Variants in VRK2 observed in about 807,000 individuals in gnomAD.
The protein encoded by VRK2 is VRK serine/threonine kinase 2.
In VRK2, 60 loss-of-function variants were observed where a neutral mutation model predicts 57.6. The observed-to-expected ratio is 1.04, with a 90% CI of 0.85 to 1.29. VRK2 has a LOEUF of 1.29. Ranked by LOEUF, VRK2 falls within the 50% of genes most tolerant of loss-of-function variation. The pLI, the probability that VRK2 is intolerant of heterozygous loss-of-function variation, is 0.00. For synonymous variants in VRK2, 231 were observed against 199.2 expected, an observed-to-expected ratio of 1.16 and a Z score of -1.35; for missense variants, 705 against 588.1, an observed-to-expected ratio of 1.20 and a Z score of -2.06.
intron 1 of VRK2, among the ~76,000 whole-genome samples, chr2:57,963,396 G>GT (rs761177334): frequency 3.9e-5 from 6 of 152,172 alleles, no homozygotes; most frequent in Non-Finnish European, 8.8e-5. Context: ...GTATCCTAAT[G>GT]TAAAAACTGC....
intron 1 of VRK2, among the ~76,000 whole-genome samples, chr2:58,015,328 G>A (rs1358624861): frequency 6.6e-6 from 1 of 152,062 alleles, no homozygotes; most frequent in Non-Finnish European, 1.5e-5. Context: ...TTAATATGAT[G>A]CAGTATAATG....
At chr2:57,964,994 C>CAA (rs1671872101) in intron 1 of VRK2, among the ~76,000 whole-genome samples, 4 of 149,874 alleles carry the variant, frequency 2.7e-5, no homozygotes, top group Admixed American at 2.7e-4. Context: ...AAGCATTAAT[C>CAA]ACATAGTAGA....
intron 1 of VRK2, among the ~76,000 whole-genome samples, chr2:57,968,253 G>T (rs1376763686): frequency 6.6e-6 from 1 of 151,836 alleles, no homozygotes; most frequent in Non-Finnish European, 1.5e-5. Context: ...ACGAAAGAAA[G>T]AAAACTACGG....
chr2:58,084,867 T>C lies in VRK2; in HGVS notation c.187-14T>C. ...ATTTTTTTCTAGTAAAATTAATTAT[T>C]CTTTTTTTTATAGGAATATCAAGAA... On this transcript the variant is annotated splice_polypyrimidine_tract_variant and intron_variant, in intron 3 of 12. Coordinates refer to ENST00000340157, the MANE Select transcript of VRK2 (RefSeq NM_006296.7). 1 of 1,470,470 alleles carries C rather than the reference T, an allele frequency of 6.8e-7. No homozygotes were observed. The allele number at this position is 1,470,470 out of a possible 1,614,324, so 91.1% of individuals were successfully genotyped here.
At chr2:58,002,217 A>G (rs999798471) in intron 1 of VRK2, among the ~76,000 whole-genome samples, 4 of 152,214 alleles carry the variant, frequency 2.6e-5, no homozygotes, top group African/African-American at 9.6e-5. Flanking sequence ...GTGGTGGTTC[A>G]CGCCTGTAAT....
At chr2:57,946,722 T>C (rs1226991138) in intron 1 of VRK2, among the ~76,000 whole-genome samples, 4 of 152,126 alleles carry the variant, frequency 2.6e-5, no homozygotes, top group Admixed American at 1.3e-4. Flanking sequence ...TAATTCTAAA[T>C]TATATTCTGA....
intron 2 of VRK2, among the ~76,000 whole-genome samples, chr2:58,075,864 A>ATAGAGTACTTATAGACTTATAGAG (rs760316289): frequency 6.6e-6 from 1 of 151,982 alleles, no homozygotes; most frequent in Non-Finnish European, 1.5e-5. Flanking sequence ...GCTTATAGTA[A>ATAGAGTACTTATAGACTTATAGAG]AACTCTGCCC....
intron 1 of VRK2, among the ~76,000 whole-genome samples, chr2:57,981,609 G>C (rs1672425781): frequency 6.6e-6 from 1 of 152,070 alleles, no homozygotes; most frequent in Non-Finnish European, 1.5e-5. Context: ...AAGTTTTTGT[G>C]GACAATATTC....
chr2:58,096,808 G>A (rs1470474830), intron 7 of VRK2, among the ~76,000 whole-genome samples: 2 of 151,332 alleles, frequency 1.3e-5, no homozygotes, highest in African/African-American at 4.8e-5. Context: ...CCCTCCATAA[G>A]AGTTTAAGGC....
chr2:58,037,126 G>A (rs1401656380), intron 3 of VRK2, among the ~76,000 whole-genome samples: 1 of 151,886 alleles, frequency 6.6e-6, no homozygotes, highest in Admixed American at 6.6e-5. Flanking sequence ...TGCAGAGATA[G>A]GGTCTCATCA....
chr2:57,964,879 C>CAAAAAAAA (rs540446220), intron 1 of VRK2, among the ~76,000 whole-genome samples: 1 of 47,866 alleles, frequency 2.1e-5, no homozygotes, highest in East Asian at 7.4e-4. Flanking sequence ...GAATCCATCT[C>CAAAAAAAA]AAAAAAAAAA....
At chr2:58,060,053 A>C (rs953730534) in intron 2 of VRK2, among the ~76,000 whole-genome samples, 1 of 151,846 alleles carries the variant, frequency 6.6e-6, no homozygotes, top group African/African-American at 2.4e-5. Context: ...GAGAATGGAG[A>C]ATTAGTTATG....
At position 58,132,082 on chromosome 2, in the gene VRK2, A is replaced by G; in HGVS notation, c.797+154A>G. The G allele has an allele frequency of 8.2e-6, 7 of 849,128 alleles. 1 individual carries two copies. In the East Asian group the frequency reaches 2.0e-4, roughly 24 times the overall value. 52.6% of individuals were successfully genotyped at this position (849,128 alleles called of 1,614,324 possible). The stretch of plus-strand genomic sequence containing the variant: ...AAAATATGTTTTAAAAAAACCAAAC[A>G]ACTAACACATAAAATCCATTAAGGT... On this transcript the variant is annotated intron_variant, in intron 9 of 12. Coordinates refer to ENST00000340157, the MANE Select transcript of VRK2 (RefSeq NM_006296.7).
chr2:57,980,590 G>GT (rs1165335666), intron 1 of VRK2, among the ~76,000 whole-genome samples: 1 of 152,134 alleles, frequency 6.6e-6, no homozygotes, highest in African/African-American at 2.4e-5. Flanking sequence ...GAATATCTTT[G>GT]TAAGTTTTCT....
chr2:57,996,543 T>C (rs906589176), intron 1 of VRK2, among the ~76,000 whole-genome samples: 1 of 152,216 alleles, frequency 6.6e-6, no homozygotes, highest in Non-Finnish European at 1.5e-5. Flanking sequence ...TCAACCTTTT[T>C]TAAACTCATG....
At chr2:58,127,673 C>G (rs965453344) in intron 8 of VRK2, among the ~76,000 whole-genome samples, 18 of 152,156 alleles carry the variant, frequency 1.2e-4, no homozygotes, top group Non-Finnish European at 2.2e-4. Flanking sequence ...TTCACTTTGT[C>G]AGGTGAACAT....
chr2:57,930,738 C>T (rs1670691888), intron 1 of VRK2, among the ~76,000 whole-genome samples: 1 of 152,132 alleles, frequency 6.6e-6, no homozygotes, highest in South Asian at 2.1e-4. Context: ...AGCATCTCCT[C>T]ATTTCTCCCC....
intron 1 of VRK2, among the ~76,000 whole-genome samples, chr2:57,916,314 G>C (rs1670147797): frequency 6.6e-6 from 1 of 151,246 alleles, no homozygotes; most frequent in African/African-American, 2.4e-5. Flanking sequence ...GTTGAGGCAG[G>C]AGAATCGCTT....
chr2:58,041,921 C>G (rs1477398245), upstream of VRK2, among the ~76,000 whole-genome samples: 3 of 152,038 alleles, frequency 2.0e-5, no homozygotes, highest in Admixed American at 6.5e-5. Flanking sequence ...CCTCCTACCC[C>G]CCTTTCAAGC....
Sources: allele counts gnomAD v4.1 joint callset (sites outside exome capture counted in the v4.1 genomes callset), GRCh38; gene constraint gnomAD v4.1.1; transcripts MANE v1.5; gene names NCBI Gene and HGNC (gene_info 2026-07-23, HGNC 2026-07-21).